HECTD2: variants seen among roughly 807,000 people sequenced by gnomAD.
HECTD2 encodes the protein HECT domain E3 ubiquitin protein ligase 2, also known as probable E3 ubiquitin-protein ligase HECTD2.
HECTD2 carries 35 observed loss-of-function variants against 103.2 expected under a neutral mutation model. The observed-to-expected ratio is 0.34, with a 90% CI of 0.26 to 0.45. The LOEUF (loss-of-function observed/expected upper bound fraction) is 0.45. HECTD2 is among the 20% of genes least tolerant of loss of function. The probability of loss-of-function intolerance (pLI) is 1.00; values close to 1 mark genes in which losing one functional copy is unlikely to be tolerated. For synonymous variants in HECTD2, 281 were observed against 329.9 expected, an observed-to-expected ratio of 0.85 and a Z score of 1.61; for missense variants, 596 against 937.4, an observed-to-expected ratio of 0.64 and a Z score of 4.76.
intron 10 of HECTD2, chr10:91,486,810 A>G (rs1473314823): frequency 6.6e-6 from 1 of 152,080 alleles, no homozygotes; most frequent in Non-Finnish European, 1.5e-5. Flanking sequence ...TTTTATTAAC[A>G]ATTTTGTCCC....
intron 15 of HECTD2, among the ~76,000 whole-genome samples, chr10:91,497,903 G>A (rs1846747700): frequency 6.6e-6 from 1 of 152,118 alleles, no homozygotes; most frequent in Non-Finnish European, 1.5e-5. Flanking sequence ...CCTGTAGTTT[G>A]AACTGGATAG....
intron 1 of HECTD2, among the ~76,000 whole-genome samples, chr10:91,421,052 T>A (rs1231838707): frequency 3.3e-5 from 5 of 152,164 alleles, no homozygotes; most frequent in Admixed American, 1.3e-4. Context: ...CAGGCTTTTT[T>A]CCCCTTCAGT....
Position 91,491,281 on chromosome 10 carries a change from C to T in HECTD2, c.1273C>T (p.His425Tyr), listed in dbSNP as rs373060101. The T allele has an allele frequency of 6.5e-7, 1 of 1,550,158 alleles. No homozygotes were observed. Among genetic ancestry groups the T allele is most frequent in the Non-Finnish European group, 8.8e-7 (1 of 1,131,004 alleles). ...TCTAAATATGAAAGTAAGACGGACA[C>T]ATCTGGTTAGCGATTCACTTGATGA... ...LFLNMKVRRT[H>Y]LVSDSLDELT... The change falls in exon 12 of 21, where the codon CAT becomes TAT. Residue 425 changes from histidine (H) to tyrosine (Y), a missense_variant. His to Tyr is a moderately conservative substitution (Grantham distance 83, BLOSUM62 2). This residue lies in a region of HECTD2 where 303 missense variants were observed against 522.5 expected (regional missense o/e 0.58). Coordinates refer to ENST00000298068, the MANE Select transcript of HECTD2 (RefSeq NM_182765.6).
At chr10:91,491,443 C>T (rs898846616) in intron 12 of HECTD2, 136 bp downstream of exon 12, 1 of 498,462 alleles carries the variant, frequency 2.0e-6, no homozygotes, top group Non-Finnish European at 3.5e-6. Flanking sequence ...GATCTTGTTG[C>T]ATACCAAGCT....
intron 1 of HECTD2, 69 bp downstream of exon 1, chr10:91,410,645 G>A (rs1372345190): frequency 2.3e-6 from 3 of 1,296,700 alleles, no homozygotes; most frequent in Middle Eastern, 2.8e-4. Flanking sequence ...GGCCGGGCGA[G>A]GGCCGTCAGG....
At chr10:91,492,929 T>G (rs1846533463) in intron 13 of HECTD2, among the ~76,000 whole-genome samples, 1 of 151,964 alleles carries the variant, frequency 6.6e-6, no homozygotes, top group Admixed American at 6.6e-5. Flanking sequence ...AATTTTTTAT[T>G]TTACAGAAAC....
At position 91,514,764 on chromosome 10, in the gene HECTD2, G is replaced by T. The variant is rs1218816626; in HGVS notation, c.*2380G>T. ...ATATTAAAATTATACAGTCAGTCAG[G>T]CTTCAGTTTATTTTTTGAACACTTG... On this transcript the variant is annotated 3_prime_UTR_variant, in exon 21 of 21. Coordinates refer to ENST00000298068, the MANE Select transcript of HECTD2 (RefSeq NM_182765.6). 1 of 152,400 alleles carries T rather than the reference G, an allele frequency of 6.6e-6. No individual in the cohort carries two copies. Among genetic ancestry groups the T allele is most frequent in the Non-Finnish European group, 1.5e-5 (1 of 67,988 alleles). 9.4% of individuals were successfully genotyped at this position (152,400 alleles called of 1,614,324 possible). A position where few individuals can be genotyped will look rare whatever the true frequency, so the allele number is the denominator to read the frequency against.
rs1172707872 is a variant in HECTD2 at position 91,513,332 on chromosome 10, C to T, written c.*948C>T. Reference sequence around the variant, plus strand: ...ACTTATATCTACATTTTTTGATCACCAGTTGTACCAAAACACTAATTTTTG... The same window carrying T: ...ACTTATATCTACATTTTTTGATCACTAGTTGTACCAAAACACTAATTTTTG... On this transcript the variant is annotated 3_prime_UTR_variant, in exon 21 of 21. Coordinates refer to ENST00000298068, the MANE Select transcript of HECTD2 (RefSeq NM_182765.6). 1 of 152,346 alleles carries T rather than the reference C, an allele frequency of 6.6e-6. No homozygotes were observed. The highest frequency in any genetic ancestry group is 1.5e-5 in the Non-Finnish European group (1 of 67,978). The allele number at this position is 152,346 out of a possible 1,614,324, so 9.4% of individuals were successfully genotyped here.
chr10:91,478,446 A>G (rs1164372492), intron 6 of HECTD2, among the ~76,000 whole-genome samples, 181 bp downstream of exon 6: 1 of 152,198 alleles, frequency 6.6e-6, no homozygotes, highest in Non-Finnish European at 1.5e-5. Flanking sequence ...GAGATTTGTG[A>G]CCTCTCAGTA....
intron 8 of HECTD2, 100 bp from the exon 9 acceptor site, chr10:91,484,407 C>T: frequency 6.8e-7 from 1 of 1,466,170 alleles, no homozygotes; most frequent in East Asian, 2.3e-5. Context: ...GGGGAATAGT[C>T]TAAAATTTTG....
intron 7 of HECTD2, among the ~76,000 whole-genome samples, chr10:91,482,403 T>C (rs1846125941): frequency 6.6e-6 from 1 of 151,978 alleles, no homozygotes; most frequent in South Asian, 2.1e-4. Flanking sequence ...CCTTTATCAT[T>C]TAAAAGTTGT....
At chr10:91,502,676 A>AT (rs1472008334) in intron 20 of HECTD2, among the ~76,000 whole-genome samples, 4 of 152,054 alleles carry the variant, frequency 2.6e-5, no homozygotes, top group Admixed American at 6.5e-5. Flanking sequence ...ATTCAAGAGG[A>AT]TTTTTTTAGA....
chr10:91,420,280 CA>C (rs58296918), intron 1 of HECTD2, among the ~76,000 whole-genome samples: 23,885 of 109,734 alleles, frequency 0.22, 4,531 homozygotes, highest in African/African-American at 0.53. Context: ...TTTATGATTA[CA>C]AAAAAAAAAA....
At chr10:91,495,947 G>A (rs1176858093) in intron 14 of HECTD2, among the ~76,000 whole-genome samples, 1 of 152,144 alleles carries the variant, frequency 6.6e-6, no homozygotes, top group African/African-American at 2.4e-5. Context: ...GTTGCTGCCT[G>A]TTGTGATCTT....
chr10:91,493,545 AT>A, intron 14 of HECTD2, 37 bp downstream of exon 14: 1 of 1,072,216 alleles, frequency 9.3e-7, no homozygotes, highest in Non-Finnish European at 1.4e-6. Flanking sequence ...GTGCTAATAG[AT>A]TAGAGATTTT....
chr10:91,491,295 T>A lies in HECTD2; in HGVS notation c.1287T>A (p.Asp429Glu). ...TAAGACGGACACATCTGGTTAGCGA[T>A]TCACTTGATGAGGTATAATTTATTC... ...MKVRRTHLVS[D>E]SLDELTRKRA... The change falls in exon 12 of 21, where the codon GAT (aspartate) becomes GAA (glutamate). Residue 429 changes from aspartate to glutamate, a missense_variant. Physicochemically the swap from Asp to Glu is conservative, Grantham distance 45 (BLOSUM62 2). Coordinates refer to ENST00000298068, the MANE Select transcript of HECTD2 (RefSeq NM_182765.6). The A allele has an allele frequency of 6.9e-7, 1 of 1,447,154 alleles. No individual in the cohort carries two copies. Among genetic ancestry groups the A allele is most frequent in the Non-Finnish European group, 9.6e-7 (1 of 1,039,270 alleles). 89.6% of individuals were successfully genotyped at this position (1,447,154 alleles called of 1,614,324 possible). A position where few individuals can be genotyped will look rare whatever the true frequency, so the allele number is the denominator to read the frequency against.
chr10:91,504,976 C>T (rs1316488713), intron 20 of HECTD2, among the ~76,000 whole-genome samples: 1 of 152,148 alleles, frequency 6.6e-6, no homozygotes, highest in African/African-American at 2.4e-5. Flanking sequence ...CAATATTCAA[C>T]ATTCTTAAAG....
At chr10:91,425,623 A>G (rs962624306) in intron 2 of HECTD2, among the ~76,000 whole-genome samples, 6 of 151,528 alleles carry the variant, frequency 4.0e-5, no homozygotes, top group Middle Eastern at 3.4e-3. Flanking sequence ...ATAATAAGCA[A>G]ATTTGATTAA....
chr10:91,512,178 T>C (rs1202823782), intron 20 of HECTD2, 86 bp from the exon 21 acceptor site: 10 of 1,359,916 alleles, frequency 7.4e-6, no homozygotes, highest in African/African-American at 5.8e-5. Flanking sequence ...TTTGAATGTG[T>C]GTGTCCTGGT....
Sources: allele counts gnomAD v4.1 joint callset (sites outside exome capture counted in the v4.1 genomes callset), GRCh38; gene constraint gnomAD v4.1.1; regional missense constraint gnomAD v4.1.1; transcripts MANE v1.5; gene names NCBI Gene and HGNC (gene_info 2026-07-23, HGNC 2026-07-21).